The following GABRG3 variants were observed in gnomAD, a reference collection of about 807,000 sequenced individuals.
GABRG3 encodes gamma-aminobutyric acid receptor subunit gamma-3.
GABRG3 carries 25 observed loss-of-function variants against 48.8 expected under a neutral mutation model. The ratio of observed to expected loss-of-function variants is 0.51; its 90% CI spans 0.37 to 0.72. The LOEUF (loss-of-function observed/expected upper bound fraction) is 0.72. Among genes scored for constraint, GABRG3 ranks in the 30% least tolerant of loss-of-function variants. The probability of loss-of-function intolerance (pLI) is 0.00; values close to 1 mark genes in which losing one functional copy is unlikely to be tolerated. For synonymous variants in GABRG3, 227 were observed against 217.6 expected (o/e 1.04, Z -0.38); for missense variants, 394 against 577.9 (o/e 0.68, Z 3.26).
At chr15:27,418,111 G>A (rs1350987575) in intron 5 of GABRG3, among the ~76,000 whole-genome samples, 1 of 152,214 alleles carries the variant, frequency 6.6e-6, no homozygotes, top group Non-Finnish European at 1.5e-5. Context: ...ATGCTCACAG[G>A]AGAAACAGAG....
Position 27,527,583 on chromosome 15 carries a change from A to G in GABRG3, c.1016A>G (p.Tyr339Cys). The G allele has an allele frequency of 6.2e-7, 1 of 1,613,382 alleles. No homozygotes were observed. The highest frequency in any genetic ancestry group is 8.5e-7 in the Non-Finnish European group (1 of 1,179,646). The change falls in exon 8 of 10, where the codon TAC becomes TGC. Residue 339 changes from tyrosine to cysteine, a missense_variant. Tyr to Cys is a radical substitution (Grantham distance 194). Coordinates refer to ENST00000615808, the MANE Select transcript of GABRG3 (RefSeq NM_033223.5). Reference sequence around the variant, plus strand: ...CTGATGGAGTATGCCACCCTCAACTACTATTCCAGCTGTAGAAAACCAACC... The same window carrying G: ...CTGATGGAGTATGCCACCCTCAACTGCTATTCCAGCTGTAGAAAACCAACC... ...AALMEYATLN[Y>C]YSSCRKPTTT... is the part of the protein sequence containing the mutation.
rs941149519 is a variant in GABRG3, at chr15:27,541,029, A to T, written c.*8148A>T. The T allele has an allele frequency of 3.3e-5, 5 of 152,240 alleles. No homozygotes were observed. Among genetic ancestry groups the T allele is most frequent in the Non-Finnish European group, 5.9e-5 (4 of 68,084 alleles). The allele number at this position is 152,240 out of a possible 1,614,324, so 9.4% of individuals were successfully genotyped here. Reference sequence around the variant, plus strand: ...GGAGAAAGAGAGGACAGAGGGAGAGAGAGAAAGTGGCAATCTGTACATTTC... The same window carrying T: ...GGAGAAAGAGAGGACAGAGGGAGAGTGAGAAAGTGGCAATCTGTACATTTC... On this transcript the variant is annotated 3_prime_UTR_variant, in exon 10 of 10. Coordinates refer to ENST00000615808, the MANE Select transcript of GABRG3 (RefSeq NM_033223.5).
intron 3 of GABRG3, among the ~76,000 whole-genome samples, chr15:27,300,572 G>T (rs143764280): frequency 2.0e-5 from 3 of 150,996 alleles, no homozygotes; most frequent in Non-Finnish European, 4.4e-5. Flanking sequence ...CAGGAGAATC[G>T]CTTGAACCTG....
intron 3 of GABRG3, among the ~76,000 whole-genome samples, chr15:27,222,726 A>C (rs1387701626): frequency 6.6e-6 from 1 of 152,182 alleles, no homozygotes; most frequent in Non-Finnish European, 1.5e-5. Context: ...GATGCTCTAC[A>C]TGACTCATTA....
intron 3 of GABRG3, among the ~76,000 whole-genome samples, chr15:27,123,654 C>T (rs916634414): frequency 4.6e-5 from 7 of 152,142 alleles, no homozygotes; most frequent in Admixed American, 6.6e-5. Flanking sequence ...ATGATGGGTG[C>T]GTATGACACA....
rs10549691 is a variant in GABRG3 at position 27,436,995 on chromosome 15, TAGAGAGAG to T, written c.575-43624_575-43617del. On this transcript the variant is annotated intron_variant, in intron 5 of 9. Transcript: ENST00000615808. ...TGGGTGAGACTCCTTCTCCGAAAAA[TAGAGAGAG>T]AGAGAGAGAGAGAGAGAGAGAGAGA... 6.6e-3 allele frequency among the ~76,000 whole-genome samples: 863 copies of T among 130,580 alleles called. 7 individuals carry two copies. The highest frequency in any genetic ancestry group is 0.017 in the African/African-American group (606 of 35,320). 85.7% of individuals were successfully genotyped at this position (130,580 alleles called of 152,430 possible). A position where few individuals can be genotyped will look rare whatever the true frequency, so the allele number is the denominator to read the frequency against.
chr15:27,412,969 C>G (rs1178232201), intron 5 of GABRG3, among the ~76,000 whole-genome samples: 1 of 152,056 alleles, frequency 6.6e-6, no homozygotes, highest in Non-Finnish European at 1.5e-5. Context: ...TTCTTTGCTT[C>G]CTGTTTATTG....
intron 5 of GABRG3, among the ~76,000 whole-genome samples, chr15:27,477,349 C>A (rs549911326): frequency 3.3e-5 from 5 of 152,212 alleles, no homozygotes; most frequent in Admixed American, 1.3e-4. Context: ...ATGAGTCCAA[C>A]CTTAAGACAG....
At chr15:27,074,991 A>G (rs1249644653) in intron 3 of GABRG3, among the ~76,000 whole-genome samples, 2 of 152,216 alleles carry the variant, frequency 1.3e-5, no homozygotes, top group Non-Finnish European at 2.9e-5. Flanking sequence ...GGTCAGACTT[A>G]ACAGCCTACA....
intron 5 of GABRG3, among the ~76,000 whole-genome samples, chr15:27,438,561 T>C (rs971912571): frequency 6.6e-6 from 1 of 152,140 alleles, no homozygotes; most frequent in Admixed American, 6.5e-5. Context: ...TGCCGTCTGC[T>C]CAGAGCCCAC....
At chr15:27,252,801 G>A (rs1262002983) in intron 3 of GABRG3, among the ~76,000 whole-genome samples, 5 of 152,200 alleles carry the variant, frequency 3.3e-5, no homozygotes, top group Admixed American at 2.0e-4. Context: ...CAAAAGGTCC[G>A]TGTCTGGAGG....
At chr15:27,325,578 GC>G (rs1290849165) in intron 3 of GABRG3, among the ~76,000 whole-genome samples, 2 of 152,110 alleles carry the variant, frequency 1.3e-5, no homozygotes, top group African/African-American at 4.8e-5. Flanking sequence ...TAATACACCA[GC>G]CTTATTTTTG....
chr15:27,257,216 T>A (rs1347937337), intron 3 of GABRG3, among the ~76,000 whole-genome samples: 1 of 151,936 alleles, frequency 6.6e-6, no homozygotes, highest in East Asian at 1.9e-4. Flanking sequence ...TTTTGAGAGG[T>A]GTCTCTTTAG....
chr15:27,370,358 C>G (rs1895368010), intron 5 of GABRG3, among the ~76,000 whole-genome samples: 1 of 152,208 alleles, frequency 6.6e-6, no homozygotes. Context: ...AGCCACTTAG[C>G]CTGCTCATGT....
chr15:26,997,007 A>G (rs2035782717), intron 2 of GABRG3, among the ~76,000 whole-genome samples: 1 of 152,012 alleles, frequency 6.6e-6, no homozygotes, highest in Non-Finnish European at 1.5e-5. Context: ...TTAGTTTTTC[A>G]TCATTCCTTT....
At position 27,539,089 on chromosome 15, in the gene GABRG3, A is replaced by G. The variant is rs1362837735; in HGVS notation, c.*6208A>G. 1 of 152,208 alleles carries G rather than the reference A, an allele frequency of 6.6e-6. No individual in the cohort carries two copies. Among genetic ancestry groups the G allele is most frequent in the Non-Finnish European group, 1.5e-5 (1 of 68,040 alleles). 9.4% of individuals were successfully genotyped at this position (152,208 alleles called of 1,614,324 possible). A position where few individuals can be genotyped will look rare whatever the true frequency, so the allele number is the denominator to read the frequency against. Reference sequence around the variant, plus strand: ...ATAGACTCCCAAATCTCCTTTGGGAAAGGAACCTGTGGACCCTGGAGCTAA... The same window carrying G: ...ATAGACTCCCAAATCTCCTTTGGGAGAGGAACCTGTGGACCCTGGAGCTAA... On this transcript the variant is annotated 3_prime_UTR_variant, in exon 10 of 10. Coordinates refer to ENST00000615808, the MANE Select transcript of GABRG3 (RefSeq NM_033223.5).
At chr15:27,290,007 T>C (rs1354345532) in intron 3 of GABRG3, among the ~76,000 whole-genome samples, 3 of 152,132 alleles carry the variant, frequency 2.0e-5, no homozygotes, top group Non-Finnish European at 4.4e-5. Context: ...GAGAAAGAGC[T>C]GATTCTGTCA....
At chr15:27,339,965 G>A (rs1894111416) in intron 5 of GABRG3, among the ~76,000 whole-genome samples, 1 of 152,108 alleles carries the variant, frequency 6.6e-6, no homozygotes, top group Non-Finnish European at 1.5e-5. Flanking sequence ...GGAGGCGTTG[G>A]GGCAGGAAGG....
intron 5 of GABRG3, among the ~76,000 whole-genome samples, chr15:27,463,834 A>T (rs1448984184): frequency 6.6e-6 from 1 of 152,154 alleles, no homozygotes; most frequent in Non-Finnish European, 1.5e-5. Context: ...TTAAAGCTAG[A>T]TGTTCACTAC....
Sources: gnomAD v4.1 joint callset for allele counts (sites outside exome capture counted in the v4.1 genomes callset) on GRCh38, gnomAD v4.1.1 for gene constraint, MANE v1.5 for transcripts, NCBI Gene and HGNC (gene_info 2026-07-23, HGNC 2026-07-21) for gene names.